Variants in MAGI3 observed in about 807,000 individuals in gnomAD.
MAGI3 encodes membrane associated guanylate kinase, WW and PDZ domain containing 3, also known as membrane-associated guanylate kinase, WW and PDZ domain-containing protein 3.
A neutral mutation model predicts 121.8 loss-of-function variants in MAGI3; 43 were observed. The observed-to-expected ratio is 0.35, with a 90% CI of 0.28 to 0.46. MAGI3 has a LOEUF of 0.46. Ranked by LOEUF, MAGI3 falls within the 20% of genes least tolerant of loss-of-function variation. MAGI3 has a pLI of 1.00. For missense variants in MAGI3, 1,547 were observed against 1,797.3 expected, an observed-to-expected ratio of 0.86 and a Z score of 2.52; for synonymous variants, 553 against 639.3, an observed-to-expected ratio of 0.86 and a Z score of 2.04.
intron 1 of MAGI3, among the ~76,000 whole-genome samples, chr1:113,427,812 C>CT (rs200101055): frequency 0.026 from 3,928 of 150,866 alleles, 138 homozygotes; most frequent in African/African-American, 0.082. Flanking sequence ...CCAACGCTGC[C>CT]TTTTTTTTTG....
At chr1:113,581,816 C>T (rs1467102834) in intron 3 of MAGI3, among the ~76,000 whole-genome samples, 3 of 152,124 alleles carry the variant, frequency 2.0e-5, no homozygotes, top group Non-Finnish European at 2.9e-5. Context: ...TTTGTTCATT[C>T]GTTTTATCCT....
chr1:113,638,478 A>C (rs1487161332), intron 9 of MAGI3, among the ~76,000 whole-genome samples: 2 of 152,112 alleles, frequency 1.3e-5, no homozygotes, highest in Non-Finnish European at 2.9e-5. Flanking sequence ...AGTCTGTTGG[A>C]GTTTGCTAGA....
rs1273631016 is a variant in MAGI3, at chr1:113,653,957, A to G, written c.2568A>G (p.Arg856=). ...PQEPYDVVLQ[R]KENEGFGFVI... is the part of the protein sequence containing the mutation. ...AGCCCTATGATGTTGTCTTGCAACG[A>G]AAAGAAAATGAAGGATTTGGCTTTG... The change falls in exon 15 of 21, where the codon CGA becomes CGG. Residue 856 remains arginine (R), a synonymous_variant. Transcript: ENST00000307546. 2.5e-6 allele frequency: 4 copies of G among 1,613,992 alleles called. No homozygotes were observed. Among genetic ancestry groups the G allele is most frequent in the Non-Finnish European group, 3.4e-6 (4 of 1,179,930 alleles).
intron 19 of MAGI3, among the ~76,000 whole-genome samples, chr1:113,680,681 C>T (rs1648164587): frequency 1.3e-5 from 2 of 152,052 alleles, no homozygotes; most frequent in South Asian, 4.1e-4. Context: ...GGCGTGAACC[C>T]AGGAGGCGGA....
intron 1 of MAGI3, among the ~76,000 whole-genome samples, chr1:113,485,557 A>G (rs114393527): frequency 6.6e-6 from 1 of 151,780 alleles, no homozygotes; most frequent in Non-Finnish European, 1.5e-5. Flanking sequence ...TAGATTCTGG[A>G]TATTAGTCCT....
chr1:113,610,941 A>T (rs987950773), intron 6 of MAGI3, among the ~76,000 whole-genome samples: 1 of 152,070 alleles, frequency 6.6e-6, no homozygotes, highest in Non-Finnish European at 1.5e-5. Flanking sequence ...TCAAAAAAAA[A>T]TAAAAAATAA....
At chr1:113,578,727 GA>G (rs1251795700) in intron 2 of MAGI3, among the ~76,000 whole-genome samples, 3 of 151,790 alleles carry the variant, frequency 2.0e-5, no homozygotes, top group Admixed American at 2.0e-4. Context: ...GGTCAATAAT[GA>G]GAAATATAAA....
chr1:113,496,474 G>A (rs1013518720), intron 1 of MAGI3, among the ~76,000 whole-genome samples: 2 of 152,066 alleles, frequency 1.3e-5, no homozygotes, highest in Non-Finnish European at 2.9e-5. Flanking sequence ...TAAGTAAATC[G>A]GTAAATAGAT....
chr1:113,662,952 G>A (rs916266003), intron 16 of MAGI3, among the ~76,000 whole-genome samples: 69 of 152,074 alleles, frequency 4.5e-4, no homozygotes, highest in African/African-American at 1.5e-3. Context: ...TTGGCCTGGC[G>A]CCGTGGCTCA....
intron 1 of MAGI3, among the ~76,000 whole-genome samples, chr1:113,451,538 C>A (rs1455211197): frequency 6.6e-6 from 1 of 152,010 alleles, no homozygotes; most frequent in Non-Finnish European, 1.5e-5. Context: ...CAAGTGTTCT[C>A]GAAAATGTCC....
intron 19 of MAGI3, among the ~76,000 whole-genome samples, chr1:113,675,305 G>A (rs1647804993): frequency 6.6e-6 from 1 of 152,164 alleles, no homozygotes; most frequent in Admixed American, 6.5e-5. Flanking sequence ...TCAAATTTCA[G>A]TGAATAAAGG....
chr1:113,669,614 C>T (rs1233875371), intron 16 of MAGI3, among the ~76,000 whole-genome samples: 1 of 152,196 alleles, frequency 6.6e-6, no homozygotes, highest in Non-Finnish European at 1.5e-5. Context: ...ATTGCAACCT[C>T]CACCTCCTGG....
intron 1 of MAGI3, among the ~76,000 whole-genome samples, chr1:113,442,078 G>C (rs1437157314): frequency 6.6e-6 from 1 of 151,992 alleles, no homozygotes; most frequent in African/African-American, 2.4e-5. Flanking sequence ...AGATTTTCTA[G>C]ATCCTTAGAT....
rs905413116 is a variant in MAGI3, at chr1:113,537,776, T to G, written c.317-11739T>G. 5.9e-5 allele frequency among the ~76,000 whole-genome samples: 9 copies of G among 152,234 alleles called. No individual in the cohort carries two copies. The East Asian group carries it at 1.7e-3, about 29-fold the overall frequency. On this transcript the variant is annotated intron_variant, in intron 1 of 20. Transcript: ENST00000307546. ...TTTCTGTGTTGAAAAGAGGGATTTT[T>G]GTAAAAGTGACTTATATTGTCATGT...
intron 13 of MAGI3, among the ~76,000 whole-genome samples, chr1:113,649,797 GTCATT>G (rs1653057152): frequency 1.3e-5 from 2 of 152,106 alleles, no homozygotes; most frequent in Admixed American, 1.3e-4. Flanking sequence ...TACTTTGCAT[GTCATT>G]TCATCTGTTA....
At chr1:113,425,159 C>T (rs1363846486) in intron 1 of MAGI3, among the ~76,000 whole-genome samples, 4 of 148,994 alleles carry the variant, frequency 2.7e-5, no homozygotes, top group Admixed American at 1.3e-4. Context: ...AACTCCATCT[C>T]AAAACAAACA....
intron 1 of MAGI3, among the ~76,000 whole-genome samples, chr1:113,432,125 C>A (rs1005533817): frequency 6.6e-6 from 1 of 152,086 alleles, no homozygotes; most frequent in Non-Finnish European, 1.5e-5. Context: ...ATTGCTGGGA[C>A]AATTGGTTAT....
At position 113,485,088 on chromosome 1, in the gene MAGI3, A is replaced by G. The variant is rs535686637; in HGVS notation, c.317-64427A>G. On this transcript the variant is annotated intron_variant, in intron 1 of 20. Transcript: ENST00000307546. ...TGTGATGGGCATTTGGGCTGGTTCCATATTTCTGCAACTGCAAATTGTGCG... is the reference window on the plus strand; with the variant it reads ...TGTGATGGGCATTTGGGCTGGTTCCGTATTTCTGCAACTGCAAATTGTGCG... 1.7e-4 allele frequency among the ~76,000 whole-genome samples: 26 copies of G among 152,202 alleles called. No individual in the cohort carries two copies. The Middle Eastern group carries it at 0.014, about 80-fold the overall frequency.
At chr1:113,414,386 G>A (rs1002127391) in intron 1 of MAGI3, among the ~76,000 whole-genome samples, 11 of 152,124 alleles carry the variant, frequency 7.2e-5, no homozygotes, top group Non-Finnish European at 1.3e-4. Context: ...GATGATGTTG[G>A]CCTTATAAAA....
Sources: gnomAD v4.1 joint callset for allele counts (sites outside exome capture counted in the v4.1 genomes callset) on GRCh38, gnomAD v4.1.1 for gene constraint, MANE v1.5 for transcripts, NCBI Gene and HGNC (gene_info 2026-07-23, HGNC 2026-07-21) for gene names.